Variants in GADL1 observed in about 807,000 individuals in gnomAD.
GADL1 encodes the protein GAD like acidic amino acid decarboxylase 1, also known as acidic amino acid decarboxylase GADL1.
In GADL1, 71 loss-of-function variants were observed where a neutral mutation model predicts 69.5. That is an observed-to-expected ratio of 1.02 (90% CI 0.84 to 1.25). The LOEUF is 1.25. GADL1 is among the 50% of genes most tolerant of loss of function. The pLI, the probability that GADL1 is intolerant of heterozygous loss-of-function variation, is 0.00. For missense variants in GADL1, 737 were observed against 631.8 expected (o/e 1.17, Z -1.79); for synonymous variants, 254 against 214.4 (o/e 1.18, Z -1.62).
intron 11 of GADL1, among the ~76,000 whole-genome samples, chr3:30,823,897 GA>G (rs1422118425): frequency 6.6e-6 from 1 of 151,588 alleles, no homozygotes. Flanking sequence ...TGAAGAGAAA[GA>G]ATTTCAAGAT....
At chr3:30,844,187 C>T in intron 8 of GADL1, 23 bp downstream of exon 8, 7 of 1,598,640 alleles carry the variant, frequency 4.4e-6, no homozygotes, top group Non-Finnish European at 6.0e-6. Context: ...GTTCTCTCTC[C>T]CTCTCGCTTT....
intron 12 of GADL1, among the ~76,000 whole-genome samples, chr3:30,791,579 G>A (rs1265305875): frequency 6.6e-6 from 1 of 152,094 alleles, no homozygotes; most frequent in Non-Finnish European, 1.5e-5. Context: ...TGCTCCTAGA[G>A]GAAAGGCATC....
chr3:30,832,320 G>A (rs1232280892), intron 11 of GADL1, among the ~76,000 whole-genome samples: 1 of 148,732 alleles, frequency 6.7e-6, no homozygotes, highest in Admixed American at 6.7e-5. Flanking sequence ...TTGTCACTAA[G>A]ATTCAGGAAT....
At chr3:30,838,499 T>C (rs996755679) in intron 9 of GADL1, among the ~76,000 whole-genome samples, 4 of 152,136 alleles carry the variant, frequency 2.6e-5, no homozygotes, top group Non-Finnish European at 4.4e-5. Flanking sequence ...GCTTTAGTTA[T>C]AGCATGCAAT....
At chr3:30,771,821 A>C (rs1428794082) in intron 14 of GADL1, among the ~76,000 whole-genome samples, 2 of 152,224 alleles carry the variant, frequency 1.3e-5, no homozygotes, top group Non-Finnish European at 2.9e-5. Context: ...ACATGTGTGC[A>C]TGTGTGTATG....
At chr3:30,773,133 A>G (rs1401813819) in intron 14 of GADL1, among the ~76,000 whole-genome samples, 3 of 152,214 alleles carry the variant, frequency 2.0e-5, no homozygotes, top group African/African-American at 7.2e-5. Flanking sequence ...GAGTGGTACA[A>G]TAAGAAAAGA....
At chr3:30,795,990 A>G (rs1314862736) in intron 12 of GADL1, among the ~76,000 whole-genome samples, 1 of 152,194 alleles carries the variant, frequency 6.6e-6, no homozygotes. Flanking sequence ...TTTACAAACA[A>G]TAAGTGTTTG....
chr3:30,810,398 G>A (rs1040727256), intron 11 of GADL1, among the ~76,000 whole-genome samples: 3 of 152,026 alleles, frequency 2.0e-5, no homozygotes, highest in Non-Finnish European at 4.4e-5. Context: ...TAGACAGACA[G>A]ATACATAGGT....
rs530092309 is a variant in GADL1, at chr3:30,745,390, C to T, written c.1393-16975G>A. On this transcript the variant is annotated intron_variant, in intron 14 of 14. Transcript: ENST00000282538. ...TAGATCCCTAATTATATTGATTTGA[C>T]ATGGAAATGCTTTATTTTTATTGCG... 4.6e-5 allele frequency among the ~76,000 whole-genome samples: 7 copies of T among 152,282 alleles called. No homozygotes were observed. In the South Asian group the frequency reaches 1.5e-3, roughly 32 times the overall value.
intron 14 of GADL1, among the ~76,000 whole-genome samples, chr3:30,755,754 T>C (rs1382510688): frequency 1.3e-5 from 2 of 152,076 alleles, no homozygotes; most frequent in African/African-American, 4.8e-5. Flanking sequence ...AACGAATGAA[T>C]GAAACAAAAG....
intron 14 of GADL1, among the ~76,000 whole-genome samples, chr3:30,741,114 A>G (rs1286682854): frequency 0.029 from 37 of 1,282 alleles, no homozygotes; most frequent in African/African-American, 0.047. Flanking sequence ...TATTCCTAGT[A>G]TATATATATA....
At chr3:30,733,974 T>G (rs6783574) in intron 14 of GADL1, among the ~76,000 whole-genome samples, 74,823 of 152,008 alleles carry the variant, frequency 0.49, 21,107 homozygotes, top group African/African-American at 0.78. Context: ...TCAGGAGAAA[T>G]TAGCCACAGT....
intron 11 of GADL1, among the ~76,000 whole-genome samples, chr3:30,817,786 A>G (rs1697500351): frequency 6.6e-6 from 1 of 152,220 alleles, no homozygotes; most frequent in South Asian, 2.1e-4. Flanking sequence ...AAGACTGATA[A>G]TAAAACAGAA....
intron 14 of GADL1, among the ~76,000 whole-genome samples, chr3:30,751,453 C>T (rs572746729): frequency 6.9e-4 from 103 of 150,156 alleles, no homozygotes; most frequent in African/African-American, 2.5e-3. Context: ...TTTATTCCTT[C>T]GTGTCTTCTG....
chr3:30,827,894 A>G (rs1408624905), intron 11 of GADL1, among the ~76,000 whole-genome samples: 3 of 151,882 alleles, frequency 2.0e-5, no homozygotes, highest in Non-Finnish European at 2.9e-5. Context: ...TCTCTCTCCT[A>G]CAAGTCAAAT....
intron 11 of GADL1, among the ~76,000 whole-genome samples, chr3:30,827,766 A>T (rs1248421752): frequency 2.0e-5 from 3 of 151,942 alleles, no homozygotes. Context: ...AATTGAATGA[A>T]TTCTCTCTGT....
chr3:30,793,385 A>AAT (rs1696962009), intron 12 of GADL1, among the ~76,000 whole-genome samples: 2 of 57,328 alleles, frequency 3.5e-5, no homozygotes, highest in Non-Finnish European at 6.7e-5. Context: ...AAATACATTT[A>AAT]ATAAACTAAT....
chr3:30,753,814 A>C (rs954749408), intron 14 of GADL1, among the ~76,000 whole-genome samples: 1 of 152,244 alleles, frequency 6.6e-6, no homozygotes, highest in Non-Finnish European at 1.5e-5. Flanking sequence ...AATTGCAAGA[A>C]AACAGGCTAG....
At chr3:30,819,859 A>ATT (rs1368332091) in intron 11 of GADL1, among the ~76,000 whole-genome samples, 28 of 152,084 alleles carry the variant, frequency 1.8e-4, no homozygotes, top group African/African-American at 6.8e-4. Flanking sequence ...TTGAGAAAAT[A>ATT]TTGTAATGGA....
Sources: allele counts gnomAD v4.1 joint callset (sites outside exome capture counted in the v4.1 genomes callset), GRCh38; gene constraint gnomAD v4.1.1; transcripts MANE v1.5; gene names NCBI Gene and HGNC (gene_info 2026-07-23, HGNC 2026-07-21).